TBC1D5: variants seen among roughly 807,000 people sequenced by gnomAD.
The protein encoded by TBC1D5 is TBC1 domain family member 5, also known as TBC1 domain family, member 5.
A neutral mutation model predicts 100.3 loss-of-function variants in TBC1D5; 75 were observed. The ratio of observed to expected loss-of-function variants is 0.75; its 90% CI spans 0.62 to 0.91. TBC1D5 has a LOEUF of 0.91. TBC1D5 is among the 40% of genes least tolerant of loss of function. The pLI, the probability that TBC1D5 is intolerant of heterozygous loss-of-function variation, is 0.00. For missense variants in TBC1D5, 910 were observed against 942.4 expected (o/e 0.97, Z 0.45); for synonymous variants, 323 against 325.6 (o/e 0.99, Z 0.09).
At chr3:17,670,636 T>A (rs1377088964) in intron 1 of TBC1D5, among the ~76,000 whole-genome samples, 2 of 152,238 alleles carry the variant, frequency 1.3e-5, no homozygotes, top group Non-Finnish European at 2.9e-5. Context: ...ATCTTTAGCA[T>A]ACTAATCATC....
chr3:17,735,220 C>T (rs1290278121), intron 1 of TBC1D5, among the ~76,000 whole-genome samples: 2 of 152,130 alleles, frequency 1.3e-5, no homozygotes, highest in African/African-American at 2.4e-5. Context: ...TAGTGTTCAA[C>T]GTAGCACTAT....
intron 14 of TBC1D5, among the ~76,000 whole-genome samples, chr3:17,301,766 G>C (rs533503842): frequency 6.6e-6 from 1 of 152,270 alleles, no homozygotes; most frequent in South Asian, 2.1e-4. Context: ...CCTTGCCCTA[G>C]GCCTGAAAAT....
chr3:17,399,660 T>A (rs1287393649), intron 8 of TBC1D5, among the ~76,000 whole-genome samples: 1 of 152,104 alleles, frequency 6.6e-6, no homozygotes, highest in African/African-American at 2.4e-5. Flanking sequence ...CTGCTCAATG[T>A]CCTCCAAAAG....
chr3:17,620,763 T>C (rs2062594628), intron 2 of TBC1D5, among the ~76,000 whole-genome samples: 2 of 152,110 alleles, frequency 1.3e-5, no homozygotes, highest in South Asian at 4.1e-4. Flanking sequence ...ATTTCCTATA[T>C]ATTCAAAAAA....
chr3:17,730,650 T>C (rs1027159122), intron 1 of TBC1D5, among the ~76,000 whole-genome samples: 2 of 152,162 alleles, frequency 1.3e-5, no homozygotes, highest in African/African-American at 2.4e-5. Context: ...ACAAAAATCA[T>C]AAAATCATGA....
intron 2 of TBC1D5, among the ~76,000 whole-genome samples, chr3:17,533,258 C>A (rs1244730489): frequency 6.6e-6 from 1 of 152,132 alleles, no homozygotes. Flanking sequence ...CTTCATTTGA[C>A]CATTTAATGC....
intron 3 of TBC1D5, among the ~76,000 whole-genome samples, chr3:17,437,721 G>A (rs1383075577): frequency 6.6e-6 from 1 of 151,346 alleles, no homozygotes; most frequent in Non-Finnish European, 1.5e-5. Flanking sequence ...GGGAAGTGAA[G>A]GCAGAGAGAG....
intron 13 of TBC1D5, among the ~76,000 whole-genome samples, chr3:17,342,884 ATACTAT>A (rs1317343272): frequency 1.3e-5 from 2 of 152,208 alleles, no homozygotes; most frequent in Non-Finnish European, 2.9e-5. Context: ...TTATATGTAT[ATACTAT>A]TACCTATTAA....
At chr3:17,710,565 A>G (rs144678625) in intron 1 of TBC1D5, among the ~76,000 whole-genome samples, 2,482 of 139,724 alleles carry the variant, frequency 0.018, 51 homozygotes, top group South Asian at 0.052. Flanking sequence ...ACTCCATCTC[A>G]ATAAATAAAT....
intron 1 of TBC1D5, among the ~76,000 whole-genome samples, chr3:17,640,574 G>A (rs1560351589): frequency 6.6e-6 from 1 of 151,852 alleles, no homozygotes; most frequent in Non-Finnish European, 1.5e-5. Context: ...AAAACATAAT[G>A]TCTAAGAATA....
intron 18 of TBC1D5, among the ~76,000 whole-genome samples, chr3:17,206,818 C>T (rs1045982835): frequency 6.6e-6 from 1 of 152,178 alleles, no homozygotes; most frequent in African/African-American, 2.4e-5. Context: ...ATAATTATTA[C>T]AAATCATACC....
intron 2 of TBC1D5, among the ~76,000 whole-genome samples, chr3:17,544,105 T>TG (rs779258581): frequency 1.3e-5 from 2 of 152,048 alleles, no homozygotes; most frequent in Admixed American, 6.6e-5. Flanking sequence ...CTTGACCTCC[T>TG]GATCCGCCTA....
intron 14 of TBC1D5, among the ~76,000 whole-genome samples, chr3:17,298,437 T>C (rs1015579771): frequency 2.6e-5 from 4 of 152,196 alleles, no homozygotes; most frequent in Admixed American, 2.6e-4. Flanking sequence ...ATAATAATGA[T>C]ACATACTAAG....
chr3:17,201,900 G>A (rs2071506519), intron 18 of TBC1D5, among the ~76,000 whole-genome samples: 1 of 152,148 alleles, frequency 6.6e-6, no homozygotes, highest in Non-Finnish European at 1.5e-5. Context: ...ATATGAGAAT[G>A]GACTAATACA....
intron 13 of TBC1D5, among the ~76,000 whole-genome samples, chr3:17,324,931 T>C (rs2085898403): frequency 6.6e-6 from 1 of 152,082 alleles, no homozygotes; most frequent in South Asian, 2.1e-4. Context: ...TTTTAAGAAA[T>C]GACAAAACCA....
At chr3:17,537,291 G>T (rs1235452784) in intron 2 of TBC1D5, among the ~76,000 whole-genome samples, 1 of 152,160 alleles carries the variant, frequency 6.6e-6, no homozygotes, top group African/African-American at 2.4e-5. Flanking sequence ...CTTAACCACT[G>T]CTTAGCATGG....
intron 8 of TBC1D5, among the ~76,000 whole-genome samples, chr3:17,396,162 T>C (rs939011923): frequency 6.6e-6 from 1 of 152,142 alleles, no homozygotes; most frequent in Non-Finnish European, 1.5e-5. Context: ...TGGTCGTGCA[T>C]GCACAAGCAT....
chr3:17,260,052 A>G (rs1474026906), intron 15 of TBC1D5, among the ~76,000 whole-genome samples: 1 of 152,194 alleles, frequency 6.6e-6, no homozygotes, highest in South Asian at 2.1e-4. Context: ...TAGGAATTAC[A>G]TAGGTTTTCT....
intron 2 of TBC1D5, among the ~76,000 whole-genome samples, chr3:17,588,295 AAC>A (rs1418868298): frequency 6.6e-6 from 1 of 151,954 alleles, no homozygotes; most frequent in Non-Finnish European, 1.5e-5. Context: ...AGAATTAGGA[AAC>A]ACAAAAAAAA....
Sources: gnomAD v4.1 joint callset for allele counts (sites outside exome capture counted in the v4.1 genomes callset) on GRCh38, gnomAD v4.1.1 for gene constraint, MANE v1.5 for transcripts, NCBI Gene and HGNC (gene_info 2026-07-23, HGNC 2026-07-21) for gene names.